Variants in SLC4A5 observed in about 807,000 individuals in gnomAD.
SLC4A5 encodes the protein electrogenic sodium bicarbonate cotransporter 4.
A neutral mutation model predicts 120.4 loss-of-function variants in SLC4A5; 96 were observed. The observed-to-expected ratio is 0.80, with a 90% confidence interval of 0.68 to 0.94. The LOEUF (loss-of-function observed/expected upper bound fraction) is 0.94. Among genes scored for constraint, SLC4A5 ranks in the 40% least tolerant of loss-of-function variants. The pLI is 0.00. For missense variants in SLC4A5, 1,259 were observed against 1,459.5 expected, an observed-to-expected ratio of 0.86 and a Z score of 2.24; for synonymous variants, 550 against 571.1, an observed-to-expected ratio of 0.96 and a Z score of 0.53.
chr2:74,217,771 CT>C (rs1341220144), exon 31 of SLC4A5: 2 of 152,228 alleles, frequency 1.3e-5, no homozygotes, highest in Non-Finnish European at 2.9e-5. Context: ...CCCAGTCACA[CT>C]TCTGGAGCAA....
At chr2:74,285,150 C>A (rs958682536) in intron 8 of SLC4A5, among the ~76,000 whole-genome samples, 1 of 152,058 alleles carries the variant, frequency 6.6e-6, no homozygotes, top group East Asian at 1.9e-4. Context: ...GAGGCTGAAG[C>A]GGGAGGATCA....
exon 10 of SLC4A5, chr2:74,264,212 C>T (rs748063312): frequency 6.8e-6 from 11 of 1,614,220 alleles, no homozygotes; most frequent in Admixed American, 3.3e-5. Flanking sequence ...GGTTTGGTGG[C>T]GGTGCCTCCT....
intron 5 of SLC4A5, among the ~76,000 whole-genome samples, chr2:74,327,472 C>T (rs1213182722): frequency 6.6e-6 from 1 of 152,358 alleles, no homozygotes; most frequent in East Asian, 1.9e-4. Flanking sequence ...CAACCCCTAG[C>T]TTGTCCATTG....
intron 21 of SLC4A5, among the ~76,000 whole-genome samples, chr2:74,236,798 T>C (rs1670283436): frequency 6.6e-6 from 1 of 152,186 alleles, no homozygotes; most frequent in African/African-American, 2.4e-5. Flanking sequence ...TGGTCCAACC[T>C]AATCAGAGAG....
intron 19 of SLC4A5, among the ~76,000 whole-genome samples, chr2:74,243,771 T>C (rs1286780657): frequency 6.6e-6 from 1 of 152,180 alleles, no homozygotes; most frequent in African/African-American, 2.4e-5. Flanking sequence ...GAAAGCCACT[T>C]GAGATGAATA....
intron 8 of SLC4A5, among the ~76,000 whole-genome samples, chr2:74,279,575 T>G (rs1671746422): frequency 6.6e-6 from 1 of 152,074 alleles, no homozygotes; most frequent in Non-Finnish European, 1.5e-5. Context: ...GTGGGCTTGA[T>G]TTCCACCTAG....
intron 13 of SLC4A5, 52 bp from the exon 14 acceptor site, chr2:74,254,758 A>G: frequency 7.5e-7 from 1 of 1,326,652 alleles, no homozygotes; most frequent in Non-Finnish European, 1.1e-6. Context: ...GAGGAGCATG[A>G]AAGTGAGAAG....
intron 5 of SLC4A5, among the ~76,000 whole-genome samples, chr2:74,320,229 T>C (rs1186214785): frequency 1.3e-5 from 2 of 151,756 alleles, no homozygotes; most frequent in African/African-American, 4.8e-5. Context: ...GGAGAGAAAA[T>C]TACCAATGAA....
chr2:74,250,368 A>T, exon 17 of SLC4A5: 1 of 1,614,148 alleles, frequency 6.2e-7, no homozygotes, highest in Non-Finnish European at 8.5e-7. Flanking sequence ...GGCATCCCCC[A>T]GAAGCCCACC....
chr2:74,252,272 G>A (rs1210604131), exon 16 of SLC4A5: 1 of 1,599,936 alleles, frequency 6.3e-7, no homozygotes, highest in African/African-American at 1.3e-5. Context: ...GCCACTGCCA[G>A]CCCCGCCGCC....
chr2:74,257,812 A>G (rs6734233), intron 12 of SLC4A5, among the ~76,000 whole-genome samples: 53,430 of 151,984 alleles, frequency 0.35, 13,323 homozygotes, highest in East Asian at 0.75. Flanking sequence ...TCCTGGCCTC[A>G]ATCCATCAGC....
chr2:74,296,556 G>C (rs1473772683), intron 7 of SLC4A5, among the ~76,000 whole-genome samples: 2 of 148,464 alleles, frequency 1.3e-5, no homozygotes, highest in African/African-American at 5.0e-5. Flanking sequence ...TGAGTCACTT[G>C]AGGTCAGGAG....
At chr2:74,279,300 T>C (rs1397705411) in intron 8 of SLC4A5, among the ~76,000 whole-genome samples, 1 of 152,200 alleles carries the variant, frequency 6.6e-6, no homozygotes. Context: ...CTCCTCAGAC[T>C]GCGGGAGTAG....
At chr2:74,245,262 T>C (rs1379121171) in intron 19 of SLC4A5, among the ~76,000 whole-genome samples, 1 of 152,112 alleles carries the variant, frequency 6.6e-6, no homozygotes, top group Non-Finnish European at 1.5e-5. Context: ...GAGGTTGCAG[T>C]GAGCCGAGAT....
intron 25 of SLC4A5, among the ~76,000 whole-genome samples, chr2:74,228,949 C>G (rs1168224006): frequency 6.6e-6 from 1 of 152,122 alleles, no homozygotes; most frequent in Non-Finnish European, 1.5e-5. Flanking sequence ...TACCTTCTCT[C>G]TTTCACCTGC....
intron 7 of SLC4A5, among the ~76,000 whole-genome samples, chr2:74,288,502 T>C (rs893761171): frequency 3.3e-5 from 5 of 152,254 alleles, no homozygotes; most frequent in Admixed American, 2.6e-4. Flanking sequence ...ATGTGACTTA[T>C]GGCTCTTATA....
At chr2:74,336,119 G>A (rs983454147) in intron 3 of SLC4A5, among the ~76,000 whole-genome samples, 1 of 152,164 alleles carries the variant, frequency 6.6e-6, no homozygotes, top group African/African-American at 2.4e-5. Context: ...CTAGGCTAGA[G>A]TGCAGTGGCA....
At chr2:74,232,771 G>A (rs1670138762) in intron 23 of SLC4A5, 124 bp from the exon 24 acceptor site, 1 of 1,236,622 alleles carries the variant, frequency 8.1e-7, no homozygotes, top group African/African-American at 1.5e-5. Context: ...GGGGCCTGAG[G>A]TGCTCCTTGC....
chr2:74,284,535 A>G (rs1269379954), intron 8 of SLC4A5, among the ~76,000 whole-genome samples: 1 of 152,200 alleles, frequency 6.6e-6, no homozygotes, highest in Non-Finnish European at 1.5e-5. Context: ...GTTGATTTAA[A>G]TCAAATTAAA....
Sources: gnomAD v4.1 joint callset for allele counts (sites outside exome capture counted in the v4.1 genomes callset) on GRCh38, gnomAD v4.1.1 for gene constraint, MANE v1.5 for transcripts, NCBI Gene and HGNC (gene_info 2026-07-23, HGNC 2026-07-21) for gene names.